Variants in MED26 observed in about 807,000 individuals in gnomAD.
The protein encoded by MED26 is mediator of RNA polymerase II transcription subunit 26.
MED26 carries 7 observed loss-of-function variants against 43.7 expected under a neutral mutation model. That is an observed-to-expected ratio of 0.16 (90% CI 0.09 to 0.30). MED26 has a LOEUF of 0.30. MED26 is among the 10% of genes least tolerant of loss of function. The pLI is 1.00. For missense variants in MED26, 784 were observed against 840.6 expected (o/e 0.93, Z 0.83); for synonymous variants, 375 against 371.1 (o/e 1.01, Z -0.12).
At chr19:16,585,180 C>A (rs917697926) in intron 1 of MED26, among the ~76,000 whole-genome samples, 1 of 152,204 alleles carries the variant, frequency 6.6e-6, no homozygotes, top group African/African-American at 2.4e-5. Context: ...ACAGCAGGCA[C>A]CCCTGGGGCT....
intron 2 of MED26, 184 bp downstream of exon 2, chr19:16,578,151 A>T (rs2086022594): frequency 3.1e-6 from 2 of 642,982 alleles, no homozygotes; most frequent in African/African-American, 1.8e-5. Context: ...GAGTAACACC[A>T]CTTGGTCTCT....
At chr19:16,623,836 C>T (rs557965464) in intron 1 of MED26, among the ~76,000 whole-genome samples, 1 of 152,232 alleles carries the variant, frequency 6.6e-6, no homozygotes, top group Admixed American at 6.5e-5. Flanking sequence ...TGGGTAAGTC[C>T]CTAACTTTGG....
At chr19:16,591,920 T>C (rs1170605121) in intron 1 of MED26, among the ~76,000 whole-genome samples, 3 of 152,190 alleles carry the variant, frequency 2.0e-5, no homozygotes, top group Admixed American at 6.5e-5. Flanking sequence ...TATTCAAGTG[T>C]GGCCTAGGGG....
chr19:16,605,538 A>G (rs2086168641), intron 1 of MED26, among the ~76,000 whole-genome samples: 1 of 152,230 alleles, frequency 6.6e-6, no homozygotes, highest in Non-Finnish European at 1.5e-5. Context: ...GGCAGGTAGG[A>G]TTGGCCAGGC....
chr19:16,607,429 T>C (rs1021845513), intron 1 of MED26, among the ~76,000 whole-genome samples: 2 of 150,670 alleles, frequency 1.3e-5, no homozygotes, highest in Non-Finnish European at 2.9e-5. Context: ...TCGTGCCTTC[T>C]GAAGAGGAAC....
At chr19:16,616,290 C>T (rs778738784) in intron 1 of MED26, among the ~76,000 whole-genome samples, 11 of 152,206 alleles carry the variant, frequency 7.2e-5, no homozygotes, top group South Asian at 4.1e-4. Context: ...CTAACCTTGT[C>T]GAAGGTTGCA....
intron 1 of MED26, among the ~76,000 whole-genome samples, chr19:16,591,643 G>C (rs1431988683): frequency 2.6e-5 from 4 of 152,118 alleles, no homozygotes; most frequent in Non-Finnish European, 4.4e-5. Context: ...CCAGGTGAAG[G>C]AACCAACTTC....
At chr19:16,597,941 C>T (rs976161093) in intron 1 of MED26, among the ~76,000 whole-genome samples, 2 of 151,072 alleles carry the variant, frequency 1.3e-5, no homozygotes, top group Admixed American at 6.6e-5. Context: ...GCCAGGCTGG[C>T]CTTGAACTCC....
In MED26 at chr19:16,577,087, G is replaced by A. The variant is rs148284495; in HGVS notation, c.743C>T (p.Ser248Leu). 1.5e-4 allele frequency: 241 copies of A among 1,609,704 alleles called. No homozygotes were observed. The African/African-American group carries it at 2.5e-3, about 16-fold the overall frequency. Residue 248 changes from serine (S) to leucine (L), a missense_variant, in exon 3 of 3, where the codon TCG becomes TTG. Ser to Leu is a moderately radical substitution (Grantham distance 145). This residue lies in a region of MED26 where 719 missense variants were observed against 730.9 expected (regional missense o/e 0.98). Transcript: ENST00000263390. This position sits in a 1 kb window ranked among gnomAD's most constrained non-coding sequence, Gnocchi z 8.1. The part of the protein sequence containing the change: ...PPGPCLQPKA[S>L]VLQQLDRVDE... ...CACCCTGTCCAGCTGCTGCAGCACC[G>A]AAGCCTTTGGCTGCAAGCAGGGTCC...
rs1247936728 is a variant in MED26, at chr19:16,586,294, G to A, written c.73-7885C>T. Among the ~76,000 whole-genome samples, 2 of 152,250 alleles carry A rather than the reference G, an allele frequency of 1.3e-5. No individual in the cohort carries two copies. Among genetic ancestry groups the A allele is most frequent in the Non-Finnish European group, 2.9e-5 (2 of 68,028 alleles). ...TACAGATAAGGTAACTGAGGGCCAGGAAGGTAATGGAGGTCCCGGGTAGAC... is the reference window on the plus strand; with the variant it reads ...TACAGATAAGGTAACTGAGGGCCAGAAAGGTAATGGAGGTCCCGGGTAGAC... On this transcript the variant is annotated intron_variant, in intron 1 of 2. Transcript: ENST00000263390. The surrounding 1 kb of genome is among the most constrained non-coding windows in gnomAD (Gnocchi z 5.1).
Position 16,623,522 on chromosome 19 carries a change from C to T in MED26, c.72+4350G>A, listed in dbSNP as rs11882457. 2.0e-3 allele frequency among the ~76,000 whole-genome samples: 303 copies of T among 152,326 alleles called. 1 individual carries two copies. The highest frequency in any genetic ancestry group is 7.1e-3 in the African/African-American group (296 of 41,576). ...TCACACAGATTCATGAAAAGTTCCA[C>T]ATCGGTTGCTAGTTGCCACACCGTG... is the stretch of plus-strand genomic sequence containing the variant. On this transcript the variant is annotated intron_variant, in intron 1 of 2. Transcript: ENST00000263390.
At chr19:16,597,517 G>T (rs1192520960) in intron 1 of MED26, 4 of 398,458 alleles carry the variant, frequency 1.0e-5, no homozygotes, top group Non-Finnish European at 1.8e-5. Context: ...ATGCCTGGGT[G>T]AGCATCAGGT....
At chr19:16,610,355 T>C (rs907120661) in intron 1 of MED26, 1 of 152,050 alleles carries the variant, frequency 6.6e-6, no homozygotes, top group African/African-American at 2.4e-5. Context: ...GTATTAACTA[T>C]GCTCCCTAAC....
intron 1 of MED26, among the ~76,000 whole-genome samples, chr19:16,607,602 G>A (rs1409219032): frequency 1.3e-5 from 2 of 152,166 alleles, no homozygotes; most frequent in African/African-American, 4.8e-5. Context: ...CTTCAACCCC[G>A]GAGCCCTGAG....
chr19:16,614,690 G>A (rs1245766496), intron 1 of MED26, among the ~76,000 whole-genome samples: 1 of 152,130 alleles, frequency 6.6e-6, no homozygotes, highest in Non-Finnish European at 1.5e-5. Flanking sequence ...GGAACTGAGC[G>A]ATACACACAG....
At chr19:16,593,019 C>A (rs532851489) in intron 1 of MED26, among the ~76,000 whole-genome samples, 2 of 152,358 alleles carry the variant, frequency 1.3e-5, no homozygotes, top group East Asian at 3.9e-4. Flanking sequence ...GGCGCCGACT[C>A]TGTAGGTGGG....
intron 1 of MED26, among the ~76,000 whole-genome samples, chr19:16,601,966 A>G (rs2086151742): frequency 6.6e-6 from 1 of 152,166 alleles, no homozygotes. Context: ...TGGCTGTGGG[A>G]AGCAGCGGGG....
At chr19:16,615,067 T>C (rs2086217655) in intron 1 of MED26, among the ~76,000 whole-genome samples, 1 of 150,940 alleles carries the variant, frequency 6.6e-6, no homozygotes, top group African/African-American at 2.4e-5. Context: ...CCAACCAGTC[T>C]TTGCTTCAAG....
chr19:16,619,130 G>A (rs2086239206), intron 1 of MED26, among the ~76,000 whole-genome samples: 1 of 152,226 alleles, frequency 6.6e-6, no homozygotes, highest in Non-Finnish European at 1.5e-5. Flanking sequence ...TGCTGTGCAG[G>A]CAACCAATTA....
Sources: allele counts gnomAD v4.1 joint callset (sites outside exome capture counted in the v4.1 genomes callset), GRCh38; gene constraint gnomAD v4.1.1; regional missense constraint gnomAD v4.1.1; non-coding constraint Gnocchi (gnomAD v3.1); transcripts MANE v1.5; gene names NCBI Gene and HGNC (gene_info 2026-07-23, HGNC 2026-07-21).